Variants in DICER1 observed in about 807,000 individuals in gnomAD.
The protein encoded by DICER1 is endoribonuclease Dicer.
DICER1 carries 43 observed loss-of-function variants against 194.1 expected under a neutral mutation model. The observed-to-expected ratio is 0.22, with a 90% confidence interval of 0.17 to 0.29. DICER1 has a LOEUF of 0.29. DICER1 is among the 10% of genes least tolerant of loss of function. DICER1 has a pLI of 1.00. For synonymous variants in DICER1, 832 were observed against 820.5 expected (o/e 1.01, Z -0.24); for missense variants, 1,608 against 2,317.0 (o/e 0.69, Z 6.28).
At chr14:95,132,395 G>A (rs1894023354) in intron 3 of DICER1, 120 bp downstream of exon 3, 1 of 1,065,664 alleles carries the variant, frequency 9.4e-7, no homozygotes, top group South Asian at 1.3e-5. Context: ...GAGATTAAAT[G>A]AGTACATTAT....
chr14:95,125,675 GA>G (rs1401493708), intron 7 of DICER1, among the ~76,000 whole-genome samples: 1 of 36,228 alleles, frequency 2.8e-5, no homozygotes, highest in East Asian at 1.1e-3. Flanking sequence ...GGGGAGGAGG[GA>G]GGGGACAGGG....
intron 21 of DICER1, among the ~76,000 whole-genome samples, chr14:95,102,120 G>A (rs1480566573): frequency 6.6e-6 from 1 of 152,190 alleles, no homozygotes; most frequent in African/African-American, 2.4e-5. Flanking sequence ...GTACGTGTGT[G>A]TGCGTATACG....
chr14:95,147,463 A>C (rs1040407015), intron 1 of DICER1, among the ~76,000 whole-genome samples: 3 of 152,152 alleles, frequency 2.0e-5, no homozygotes, highest in Non-Finnish European at 4.4e-5. Flanking sequence ...TGAATGAATT[A>C]ATGAGTAAAA....
At chr14:95,156,657 G>A (rs1189237782) in intron 1 of DICER1, among the ~76,000 whole-genome samples, 1 of 152,236 alleles carries the variant, frequency 6.6e-6, no homozygotes, top group Non-Finnish European at 1.5e-5. Flanking sequence ...AAACATCTGA[G>A]GGGAGAGGCA....
At chr14:95,148,032 CAATAAA>C (rs1270742835) in intron 1 of DICER1, among the ~76,000 whole-genome samples, 1 of 152,136 alleles carries the variant, frequency 6.6e-6, no homozygotes, top group Non-Finnish European at 1.5e-5. Context: ...GAGTCCATCT[CAATAAA>C]AATAAGTAAA....
chr14:95,098,314 G>A (rs17091813), intron 22 of DICER1, among the ~76,000 whole-genome samples: 2,451 of 152,256 alleles, frequency 0.016, 61 homozygotes, highest in African/African-American at 0.056. Context: ...ATTAAGAGGC[G>A]TTTTAGCATG....
chr14:95,086,428 T>TTA lies in DICER1; in HGVS notation c.*4068_*4069dup. The TTA allele has an allele frequency of 4.3e-6, 1 of 233,382 alleles. No homozygotes were observed. The highest frequency in any genetic ancestry group is 8.5e-6 in the Non-Finnish European group (1 of 117,882). The allele number at this position is 233,382 out of a possible 1,614,324, so 14.5% of individuals were successfully genotyped here. A position where few individuals can be genotyped will look rare whatever the true frequency, so the allele number is the denominator to read the frequency against. ...TTTATTGTCAATCAAATAATATGCA[T>TTA]TAGTTTTACTTGATTTTAGTAATTT... On this transcript the variant is annotated 3_prime_UTR_variant, in exon 27 of 27. Transcript: ENST00000343455.
At position 95,090,454 on chromosome 14, in the gene DICER1, A is replaced by AT. The variant is rs748693590; in HGVS notation, c.*43dup. On this transcript the variant is annotated 3_prime_UTR_variant, in exon 27 of 27. Coordinates refer to ENST00000343455, the MANE Select transcript of DICER1 (RefSeq NM_177438.3). ...TCCGATTTAAATAATTTTCCCCTTA[A>AT]TTTTTTTTGTTTTGTTTCTTGTTTT... is the stretch of plus-strand genomic sequence containing the variant. 8.1e-6 allele frequency: 13 copies of AT among 1,601,076 alleles called. No individual in the cohort carries two copies. The highest frequency in any genetic ancestry group is 2.7e-5 in the African/African-American group (2 of 74,396).
chr14:95,093,852 A>C, intron 24 of DICER1, 36 bp downstream of exon 24: 3 of 1,612,040 alleles, frequency 1.9e-6, no homozygotes, highest in Non-Finnish European at 2.5e-6. Context: ...TCCTAGTTAG[A>C]CCACTTTTTT....
At chr14:95,129,372 A>C in intron 6 of DICER1, 100 bp downstream of exon 6, 1 of 1,124,186 alleles carries the variant, frequency 8.9e-7, no homozygotes, top group Admixed American at 1.8e-5. Context: ...CCATTTGTTC[A>C]CTTAAATAGG....
At chr14:95,137,399 GA>G (rs1460799127) in intron 1 of DICER1, among the ~76,000 whole-genome samples, 2 of 141,822 alleles carry the variant, frequency 1.4e-5, no homozygotes, top group Non-Finnish European at 3.0e-5. Flanking sequence ...AGGTAAAGGG[GA>G]AAGGGAAAGA....
At chr14:95,155,435 A>G (rs1895787343) in intron 1 of DICER1, among the ~76,000 whole-genome samples, 1 of 152,214 alleles carries the variant, frequency 6.6e-6, no homozygotes, top group Non-Finnish European at 1.5e-5. Context: ...TAGCACTACA[A>G]GTACTGTACA....
In DICER1 at chr14:95,130,137, G is replaced by A; in HGVS notation, c.494C>T (p.Ser165Leu). ...ALNVLKNGYL[S>L]LSDINLLVFD... ...CACCAAAAGGTTAATGTCTGACAGT[G>A]ATAAGTAACCATTTTTCAAAACATT... is the stretch of plus-strand genomic sequence containing the variant. Residue 165 changes from serine (S) to leucine (L), a missense_variant, in exon 5 of 27, where the codon TCA (serine) becomes TTA (leucine). Physicochemically the swap from Ser to Leu is moderately radical, Grantham distance 145 (BLOSUM62 -2). This residue lies in a region of DICER1 where 657 missense variants were observed against 910.1 expected (regional missense o/e 0.72). Transcript: ENST00000343455. 6.2e-7 allele frequency: 1 copy of A among 1,613,102 alleles called. No individual in the cohort carries two copies. Among genetic ancestry groups the A allele is most frequent in the Non-Finnish European group, 8.5e-7 (1 of 1,179,380 alleles).
rs554574678 is a variant in DICER1 at position 95,114,789 on chromosome 14, A to G, written c.1907+878T>C. ...TGGTAAGCTAGGATGAGGAGAGGAC[A>G]CCATCGTCTCAGTGATGTGCTGCCC... On this transcript the variant is annotated intron_variant, in intron 11 of 26. Coordinates refer to ENST00000343455, the MANE Select transcript of DICER1 (RefSeq NM_177438.3). Among the ~76,000 whole-genome samples the G allele has an allele frequency of 5.9e-5, 9 of 152,176 alleles. No individual in the cohort carries two copies. In the South Asian group the frequency reaches 1.4e-3, roughly 24 times the overall value.
Position 95,105,081 on chromosome 14 carries a change from C to A in DICER1, c.3259G>T (p.Ala1087Ser), listed in dbSNP as rs1891290739. 6.2e-7 allele frequency: 1 copy of A among 1,614,090 alleles called. No homozygotes were observed. Among genetic ancestry groups the A allele is most frequent in the East Asian group, 2.2e-5 (1 of 44,892 alleles). Residue 1087 changes from alanine to serine, a missense_variant, in exon 20 of 27, where the codon GCG becomes TCG. Ala to Ser is a moderately conservative substitution (Grantham distance 99). Coordinates refer to ENST00000343455, the MANE Select transcript of DICER1 (RefSeq NM_177438.3). This position sits in a 1 kb window ranked among gnomAD's most constrained non-coding sequence, Gnocchi z 4.9. ...ACTGCACAGGCATACCTAAAATCCG[C>A]AGGAAGTGATCTGACTCCCACGCCA... ...DAGVGVRSLP[A>S]DFRYPNLDFG...
intron 1 of DICER1, among the ~76,000 whole-genome samples, chr14:95,155,326 G>A (rs554592533): frequency 3.3e-5 from 5 of 152,298 alleles, no homozygotes; most frequent in African/African-American, 1.2e-4. Context: ...GACTGTCTAC[G>A]AAATATCTAC....
At chr14:95,106,976 T>C (rs1346237913) in intron 17 of DICER1, among the ~76,000 whole-genome samples, 2 of 152,122 alleles carry the variant, frequency 1.3e-5, no homozygotes, top group African/African-American at 4.8e-5. Context: ...TCTATAACGT[T>C]TTAGGTATTA....
Position 95,094,151 on chromosome 14 carries a change from A to G in DICER1, c.5101T>C (p.Tyr1701His). The G allele has an allele frequency of 6.2e-7, 1 of 1,614,142 alleles. No individual in the cohort carries two copies. Among genetic ancestry groups the G allele is most frequent in the Non-Finnish European group, 8.5e-7 (1 of 1,180,012 alleles). Residue 1701 changes from tyrosine to histidine, a missense_variant, in exon 24 of 27, where the codon TAC becomes CAC. This residue lies in a region of DICER1 where 138 missense variants were observed against 298.3 expected (regional missense o/e 0.46). Coordinates refer to ENST00000343455, the MANE Select transcript of DICER1 (RefSeq NM_177438.3). ...SYHYNTITDC[Y>H]QRLEFLGDAI... Reference sequence around the variant, plus strand: ...TCTCCCAGGAATTCTAAGCGCTGGTAACAATCTGAGGGGATCCGAAGTGGA... The same window carrying G: ...TCTCCCAGGAATTCTAAGCGCTGGTGACAATCTGAGGGGATCCGAAGTGGA...
In DICER1 at chr14:95,107,608, C is replaced by T. The variant is rs757277030; in HGVS notation, c.2804G>A (p.Arg935Lys). 5 of 1,613,872 alleles carry T rather than the reference C, an allele frequency of 3.1e-6. No individual in the cohort carries two copies. Among genetic ancestry groups the T allele is most frequent in the Non-Finnish European group, 4.2e-6 (5 of 1,179,816 alleles). ...TTTTCCTTTCCATTTAAATACCTAC[C>T]TTGGAATGATAACGGCATCTTGGTA... ...EDYQDAVIIPRYRNFDQPHRF... is the reference protein window; with the variant it reads ...EDYQDAVIIPKYRNFDQPHRF... The change falls in exon 17 of 27, where the codon AGA (arginine) becomes AAA (lysine). Residue 935 changes from arginine to lysine, a missense_variant and splice_region_variant. Physicochemically the swap from Arg to Lys is conservative, Grantham distance 26. Around this residue, in one of 10 missense-constraint regions of DICER1, gnomAD observed 150 missense variants for 216.0 expected, o/e 0.69. Transcript: ENST00000343455.
Sources: gnomAD v4.1 joint callset for allele counts (sites outside exome capture counted in the v4.1 genomes callset) on GRCh38, gnomAD v4.1.1 for gene constraint, gnomAD v4.1.1 regional missense constraint, Gnocchi (gnomAD v3.1) non-coding constraint, MANE v1.5 for transcripts, NCBI Gene and HGNC (gene_info 2026-07-23, HGNC 2026-07-21) for gene names.